REV3L: variants seen among roughly 807,000 people sequenced by gnomAD.
The protein encoded by REV3L is DNA polymerase zeta catalytic subunit.
In REV3L, 69 loss-of-function variants were observed where a neutral mutation model predicts 299.4. The observed-to-expected ratio is 0.23, with a 90% confidence interval of 0.19 to 0.28. The LOEUF is 0.28. Among genes scored for constraint, REV3L ranks in the 10% least tolerant of loss-of-function variants. The pLI, the probability that REV3L is intolerant of heterozygous loss-of-function variation, is 1.00. For synonymous variants in REV3L, 1,238 were observed against 1,271.4 expected, an observed-to-expected ratio of 0.97 and a Z score of 0.56; for missense variants, 3,128 against 3,693.8, an observed-to-expected ratio of 0.85 and a Z score of 3.97.
chr6:111,359,166 A>C, intron 16 of REV3L, 152 bp from the exon 17 acceptor site: 2 of 513,244 alleles, frequency 3.9e-6, no homozygotes, highest in South Asian at 4.6e-5. Context: ...CCATATATTA[A>C]AACGAAAGAT....
At chr6:111,450,451 C>T (rs1789366718) in intron 1 of REV3L, among the ~76,000 whole-genome samples, 1 of 133,162 alleles carries the variant, frequency 7.5e-6, no homozygotes, top group Admixed American at 9.7e-5. Context: ...TGCACTCCAG[C>T]CCGGGTGACA....
intron 31 of REV3L, among the ~76,000 whole-genome samples, chr6:111,305,193 G>A (rs138866361): frequency 0.011 from 1,613 of 151,998 alleles, 21 homozygotes; most frequent in Middle Eastern, 0.024. Context: ...CGCCCGCCTC[G>A]GCCTCCGAAA....
chr6:111,453,784 G>C (rs1268404426), intron 1 of REV3L, among the ~76,000 whole-genome samples: 1 of 152,110 alleles, frequency 6.6e-6, no homozygotes, highest in Non-Finnish European at 1.5e-5. Context: ...AGGAGTTCGA[G>C]ACCAGCCTGG....
In REV3L at chr6:111,372,578, G is replaced by GAAA; in HGVS notation, c.5759+15_5759+17dup. The GAAA allele has an allele frequency of 6.8e-7, 1 of 1,469,462 alleles. No individual in the cohort carries two copies. Among genetic ancestry groups the GAAA allele is most frequent in the Non-Finnish European group, 9.0e-7 (1 of 1,109,486 alleles). 91.0% of individuals were successfully genotyped at this position (1,469,462 alleles called of 1,614,324 possible). On this transcript the variant is annotated intron_variant, in intron 13 of 31. Coordinates refer to ENST00000368802, the MANE Select transcript of REV3L (RefSeq NM_001372078.1). ...CATAATAATTCAGAGTGACCCAAGG[G>GAAA]AAAAAATAACTGATTACCTGGGCTT...
intron 21 of REV3L, among the ~76,000 whole-genome samples, chr6:111,343,717 A>G (rs984018379): frequency 5.3e-5 from 8 of 152,092 alleles, no homozygotes; most frequent in African/African-American, 1.9e-4. Flanking sequence ...TTTAGTAGAG[A>G]TGGGGTTTCA....
At chr6:111,301,275 C>A (rs1230683384) in intron 31 of REV3L, among the ~76,000 whole-genome samples, 2 of 152,158 alleles carry the variant, frequency 1.3e-5, no homozygotes, top group Admixed American at 6.5e-5. Context: ...GTGCCCAGCA[C>A]GACATGGACC....
intron 3 of REV3L, among the ~76,000 whole-genome samples, chr6:111,407,001 G>A (rs902167514): frequency 3.3e-5 from 5 of 152,022 alleles, no homozygotes; most frequent in African/African-American, 1.2e-4. Flanking sequence ...ACAAAAGATA[G>A]AAGAGCTCTG....
At chr6:111,472,422 A>T (rs756858457) in intron 1 of REV3L, among the ~76,000 whole-genome samples, 6 of 152,100 alleles carry the variant, frequency 3.9e-5, no homozygotes, top group Non-Finnish European at 8.8e-5. Flanking sequence ...TACACAAGGC[A>T]TTTTTGAGGT....
chr6:111,303,472 T>C (rs1056943643), intron 31 of REV3L, among the ~76,000 whole-genome samples: 2 of 151,740 alleles, frequency 1.3e-5, no homozygotes. Flanking sequence ...GCTCAAGCGA[T>C]TGTCCTACCT....
chr6:111,454,921 C>G (rs2128319989), intron 1 of REV3L, among the ~76,000 whole-genome samples: 2 of 152,300 alleles, frequency 1.3e-5, no homozygotes, highest in African/African-American at 4.8e-5. Context: ...CCACCTCAGC[C>G]TCCCAAAGTG....
At chr6:111,302,288 G>T (rs1044362689) in intron 31 of REV3L, among the ~76,000 whole-genome samples, 4 of 152,140 alleles carry the variant, frequency 2.6e-5, no homozygotes, top group African/African-American at 9.7e-5. Context: ...CCCAAATATA[G>T]AATTTCTGTA....
At chr6:111,455,716 T>G (rs1252258624) in intron 1 of REV3L, among the ~76,000 whole-genome samples, 1 of 152,172 alleles carries the variant, frequency 6.6e-6, no homozygotes, top group Non-Finnish European at 1.5e-5. Context: ...TATGATTAAA[T>G]AAAAAGAAAT....
chr6:111,406,216 G>T (rs1215277212), intron 3 of REV3L, among the ~76,000 whole-genome samples: 1 of 152,142 alleles, frequency 6.6e-6, no homozygotes, highest in Non-Finnish European at 1.5e-5. Flanking sequence ...TGATGAACTA[G>T]AGGCACTTTT....
chr6:111,319,956 A>G (rs1386505912), intron 26 of REV3L, among the ~76,000 whole-genome samples: 1 of 151,466 alleles, frequency 6.6e-6, no homozygotes, highest in East Asian at 1.9e-4. Flanking sequence ...CAGCCTCCTG[A>G]GTAGCTGGGA....
At chr6:111,419,295 AAATG>A (rs1375447982) in intron 1 of REV3L, among the ~76,000 whole-genome samples, 2 of 152,392 alleles carry the variant, frequency 1.3e-5, no homozygotes, top group East Asian at 3.9e-4. Context: ...ATATAAGAGA[AAATG>A]AAAGAAACAG....
rs1310133558 is a variant in REV3L at position 111,447,920 on chromosome 6, A to G, written c.140-31448T>C. Among the ~76,000 whole-genome samples, 8 of 152,296 alleles carry G rather than the reference A, an allele frequency of 5.3e-5. No homozygotes were observed. In the South Asian group the frequency reaches 1.4e-3, roughly 28 times the overall value. ...TGTGTTCATTGAGTATTGAGACTCAACTTCCTAAGTTAGAATTTATAGGTT... is the reference window on the plus strand; with the variant it reads ...TGTGTTCATTGAGTATTGAGACTCAGCTTCCTAAGTTAGAATTTATAGGTT... On this transcript the variant is annotated intron_variant, in intron 1 of 31. Coordinates refer to ENST00000368802, the MANE Select transcript of REV3L (RefSeq NM_001372078.1).
At chr6:111,369,226 G>A (rs1464390639) in intron 13 of REV3L, among the ~76,000 whole-genome samples, 1 of 143,952 alleles carries the variant, frequency 6.9e-6, no homozygotes. Context: ...ACCTTGCAGT[G>A]AGCCGAAATC....
chr6:111,324,110 G>C (rs773806114), intron 25 of REV3L, among the ~76,000 whole-genome samples: 1 of 152,050 alleles, frequency 6.6e-6, no homozygotes, highest in African/African-American at 2.4e-5. Flanking sequence ...AGCAATTCTC[G>C]TGCTTCAGTC....
Position 111,375,088 on chromosome 6 carries a change from T to C in REV3L, c.3267A>G (p.Ser1089=), listed in dbSNP as rs1379597368. ...KRSHAILSPP[S]PSYNAETEDC... Reference sequence around the variant, plus strand: ...CTTCGGTTTCAGCATTGTAAGATGGTGAGGGAGGAGAAAGAATAGCATGTG... The same window carrying C: ...CTTCGGTTTCAGCATTGTAAGATGGCGAGGGAGGAGAAAGAATAGCATGTG... Residue 1089 remains serine (S), a synonymous_variant, in exon 13 of 32, where the codon TCA becomes TCG. Coordinates refer to ENST00000368802, the MANE Select transcript of REV3L (RefSeq NM_001372078.1). 1 of 1,613,832 alleles carries C rather than the reference T, an allele frequency of 6.2e-7. No homozygotes were observed. Among genetic ancestry groups the C allele is most frequent in the Non-Finnish European group, 8.5e-7 (1 of 1,179,872 alleles).
Sources: gnomAD v4.1 joint callset for allele counts (sites outside exome capture counted in the v4.1 genomes callset) on GRCh38, gnomAD v4.1.1 for gene constraint, MANE v1.5 for transcripts, NCBI Gene and HGNC (gene_info 2026-07-23, HGNC 2026-07-21) for gene names.